Variants in ATP2A3 observed in about 807,000 individuals in gnomAD.
ATP2A3 encodes sarcoplasmic/endoplasmic reticulum calcium ATPase 3.
A neutral mutation model predicts 106.8 loss-of-function variants in ATP2A3; 61 were observed. That is an observed-to-expected ratio of 0.57 (90% CI 0.46 to 0.71). The LOEUF (loss-of-function observed/expected upper bound fraction) is 0.71. Among genes scored for constraint, ATP2A3 ranks in the 30% least tolerant of loss-of-function variants. ATP2A3 has a pLI of 0.00. For missense variants in ATP2A3, 1,201 were observed against 1,423.5 expected, an observed-to-expected ratio of 0.84 and a Z score of 2.52; for synonymous variants, 611 against 609.3, an observed-to-expected ratio of 1.00 and a Z score of -0.04.
Position 3,953,383 on chromosome 17 carries a change from CAGG to C in ATP2A3, c.180_182del (p.Leu61del), listed in dbSNP as rs1279628658. ...GGGCAGCCAGCAGCAGGATGCGCACCAGGAGGTCCTCAAACTGTTCCAGCACCA... is the reference window on the plus strand; with the variant it reads ...GGGCAGCCAGCAGCAGGATGCGCACCAGGTCCTCAAACTGTTCCAGCACCA... On this transcript the variant is annotated inframe_deletion, in exon 3 of 21. Transcript: ENST00000397041. This position sits in a 1 kb window ranked among gnomAD's most constrained non-coding sequence, Gnocchi z 5.1. The C allele has an allele frequency of 1.2e-6, 2 of 1,613,920 alleles. No homozygotes were observed. Among genetic ancestry groups the C allele is most frequent in the African/African-American group, 2.7e-5 (2 of 74,918 alleles).
At chr17:3,940,046 T>TTG (rs2053670938) in intron 14 of ATP2A3, among the ~76,000 whole-genome samples, 1 of 104,084 alleles carries the variant, frequency 9.6e-6, no homozygotes, top group African/African-American at 4.8e-5. Context: ...TTTTTTTGTT[T>TTG]TTTGTTTTTT....
In ATP2A3 at chr17:3,947,503, C is replaced by T. The variant is rs138857372; in HGVS notation, c.983G>A (p.Arg328His). 52 of 1,613,380 alleles carry T rather than the reference C, an allele frequency of 3.2e-5. No homozygotes were observed. The highest frequency in any genetic ancestry group is 9.3e-5 in the African/African-American group (7 of 74,954). Reference sequence around the variant, plus strand: ...CAGGCTTCGCACGATGGCGTTCTTGCGTGCCATGCGCCGCGTGCCCAGTGC... The same window carrying T: ...CAGGCTTCGCACGATGGCGTTCTTGTGTGCCATGCGCCGCGTGCCCAGTGC... Reference protein sequence around the residue: ...CLALGTRRMARKNAIVRSLPS... With the variant: ...CLALGTRRMAHKNAIVRSLPS... The change falls in exon 8 of 21, where the codon CGC (arginine) becomes CAC (histidine). Residue 328 changes from arginine (R) to histidine (H), a missense_variant. Physicochemically the swap from Arg to His is conservative, Grantham distance 29 (BLOSUM62 0). This residue lies in a region of ATP2A3 where 935 missense variants were observed against 1,176.7 expected (regional missense o/e 0.79). Transcript: ENST00000397041. This position sits in a 1 kb window ranked among gnomAD's most constrained non-coding sequence, Gnocchi z 7.7.
intron 11 of ATP2A3, 28 bp downstream of exon 11, chr17:3,943,363 G>C: frequency 6.2e-7 from 1 of 1,612,212 alleles, no homozygotes; most frequent in South Asian, 1.1e-5. Context: ...CCATGCAGCC[G>C]GAGGCCTGAG....
At chr17:3,943,712 C>T (rs1037715031) in intron 10 of ATP2A3, among the ~76,000 whole-genome samples, 190 bp from the exon 11 acceptor site, 26 of 152,142 alleles carry the variant, frequency 1.7e-4, no homozygotes, top group Non-Finnish European at 2.2e-4. Context: ...GACATTCAGC[C>T]CCCCACACTG....
At position 3,929,433 on chromosome 17, in the gene ATP2A3, G is replaced by C. The variant is rs767913953; in HGVS notation, c.2757C>G (p.Asn919Lys). Residue 919 changes from asparagine to lysine, a missense_variant, in exon 19 of 21, where the codon AAC becomes AAG. Physicochemically the swap from Asn to Lys is moderately conservative, Grantham distance 94. Transcript: ENST00000397041. This position sits in a 1 kb window ranked among gnomAD's most constrained non-coding sequence, Gnocchi z 4.3. ...AGGGCGGCATCCGCAGCAGCGACTG[G>C]TTCTCCGAGACGCTGCCAGGGCACA... ...MCNALNSVSE[N>K]QSLLRMPPWM... 1.9e-6 allele frequency: 3 copies of C among 1,593,558 alleles called. No homozygotes were observed. The highest frequency in any genetic ancestry group is 2.6e-6 in the Non-Finnish European group (3 of 1,171,114).
chr17:3,937,332 C>T (rs542925131), intron 15 of ATP2A3, 84 bp downstream of exon 15: 131 of 1,456,276 alleles, frequency 9.0e-5, no homozygotes, highest in Admixed American at 1.6e-4. Context: ...ATCCCTGCAG[C>T]GCATCCGAGG....
chr17:3,932,975 C>CAA lies in ATP2A3; in HGVS notation c.2610+2215_2610+2216dup, dbSNP rs565598546. On this transcript the variant is annotated intron_variant, in intron 17 of 20. Transcript: ENST00000397041. The stretch of plus-strand genomic sequence containing the variant: ...TGCGTCTACACAGAGAAGAAAATAC[C>CAA]AACAAGATCATGTCAGGATGTTTCG... Among the ~76,000 whole-genome samples, 251 of 151,820 alleles carry CAA rather than the reference C, an allele frequency of 1.7e-3. 2 individuals are homozygous for CAA. Among genetic ancestry groups the CAA allele is most frequent in the Admixed American group, 2.7e-3 (42 of 15,282 alleles).
chr17:3,947,972 C>A lies in ATP2A3; in HGVS notation c.631-117G>T. Reference sequence around the variant, plus strand: ...CCTTCTACCCGGCTTTCCTTTTCTCCATGTTGCTAGTGCTTCCAGACTCCT... The same window carrying A: ...CCTTCTACCCGGCTTTCCTTTTCTCAATGTTGCTAGTGCTTCCAGACTCCT... On this transcript the variant is annotated intron_variant, in intron 7 of 20. Coordinates refer to ENST00000397041, the MANE Select transcript of ATP2A3 (RefSeq NM_005173.4). The surrounding 1 kb of genome is among the most constrained non-coding windows in gnomAD (Gnocchi z 7.7). 1 of 1,052,294 alleles carries A rather than the reference C, an allele frequency of 9.5e-7. No individual in the cohort carries two copies. The highest frequency in any genetic ancestry group is 1.4e-6 in the Non-Finnish European group (1 of 717,604). 65.2% of individuals were successfully genotyped at this position (1,052,294 alleles called of 1,614,324 possible).
chr17:3,936,641 G>A lies in ATP2A3; in HGVS notation c.2322-172C>T, dbSNP rs951816528. 31 of 723,228 alleles carry A rather than the reference G, an allele frequency of 4.3e-5. 1 individual carries two copies. Among genetic ancestry groups the A allele is most frequent in the South Asian group, 3.7e-4 (23 of 61,860 alleles). The allele number at this position is 723,228 out of a possible 1,614,324, so 44.8% of individuals were successfully genotyped here. On this transcript the variant is annotated intron_variant, in intron 15 of 20. Coordinates refer to ENST00000397041, the MANE Select transcript of ATP2A3 (RefSeq NM_005173.4). This position sits in a 1 kb window ranked among gnomAD's most constrained non-coding sequence, Gnocchi z 5.4. Reference sequence around the variant, plus strand: ...GGGTGTGTGTACACAGCTCTGCCTCGGGCCTGGCCAGTCCTGCCTTCCCCA... The same window carrying A: ...GGGTGTGTGTACACAGCTCTGCCTCAGGCCTGGCCAGTCCTGCCTTCCCCA...
intron 1 of ATP2A3, among the ~76,000 whole-genome samples, chr17:3,960,029 G>A (rs2055051854): frequency 6.6e-6 from 1 of 152,208 alleles, no homozygotes; most frequent in South Asian, 2.1e-4. Flanking sequence ...GAAAACTAGG[G>A]TGAAGCATGA....
Position 3,947,394 on chromosome 17 carries a change from G to A in ATP2A3, c.1092C>T (p.Cys364=), listed in dbSNP as rs150999217. The A allele has an allele frequency of 1.4e-5, 22 of 1,613,738 alleles. No individual in the cohort carries two copies. Among genetic ancestry groups the A allele is most frequent in the Non-Finnish European group, 1.7e-5 (20 of 1,180,058 alleles). The change falls in exon 8 of 21, where the codon TGC becomes TGT. Residue 364 remains cysteine (C), a synonymous_variant. Coordinates refer to ENST00000397041, the MANE Select transcript of ATP2A3 (RefSeq NM_005173.4). This position sits in a 1 kb window ranked among gnomAD's most constrained non-coding sequence, Gnocchi z 7.7. ...GTLTTNQMSV[C]RMFVVAEADA... ...CACCAAGCTGGCCGTCACTCACCCGGCAGACAGACATCTGATTGGTGGTGA... is the reference window on the plus strand; with the variant it reads ...CACCAAGCTGGCCGTCACTCACCCGACAGACAGACATCTGATTGGTGGTGA...
chr17:3,932,115 A>G (rs1465225833), intron 17 of ATP2A3, among the ~76,000 whole-genome samples: 1 of 150,666 alleles, frequency 6.6e-6, no homozygotes, highest in Non-Finnish European at 1.5e-5. Flanking sequence ...AGGCAAGTGG[A>G]TATGTCTTGT....
Position 3,942,858 on chromosome 17 carries a change from C to G in ATP2A3, c.1420-127G>C, listed in dbSNP as rs183991780. ...GGGATGACATCTACACTCCTCTGAC[C>G]CCACCATTCAAGGCCTCCATTTCCC... On this transcript the variant is annotated intron_variant, in intron 11 of 20. Coordinates refer to ENST00000397041, the MANE Select transcript of ATP2A3 (RefSeq NM_005173.4). 1.3e-5 allele frequency: 18 copies of G among 1,417,600 alleles called. No homozygotes were observed. The African/African-American group carries it at 2.5e-4, about 20-fold the overall frequency. The allele number at this position is 1,417,600 out of a possible 1,614,324, so 87.8% of individuals were successfully genotyped here. A position where few individuals can be genotyped will look rare whatever the true frequency, so the allele number is the denominator to read the frequency against.
At chr17:3,935,959 C>A (rs779965894) in intron 16 of ATP2A3, among the ~76,000 whole-genome samples, 5 of 152,156 alleles carry the variant, frequency 3.3e-5, no homozygotes, top group Non-Finnish European at 7.3e-5. Context: ...ACCGGGAGAG[C>A]AGCATGATAA....
rs530155562 is a variant in ATP2A3 at position 3,957,273 on chromosome 17, G to A, written c.119-3563C>T. ...AGAGAGGTTGAGTGACTAGTTCACC[G>A]TCACACAGCGGGGGAGACAGGGAAG... On this transcript the variant is annotated intron_variant, in intron 1 of 20. Coordinates refer to ENST00000397041, the MANE Select transcript of ATP2A3 (RefSeq NM_005173.4). Among the ~76,000 whole-genome samples the A allele has an allele frequency of 1.0e-3, 159 of 152,318 alleles. 1 individual carries two copies. Among genetic ancestry groups the A allele is most frequent in the African/African-American group, 3.8e-3 (157 of 41,576 alleles).
Position 3,947,273 on chromosome 17 carries a change from G to C in ATP2A3, c.1095+118C>G, listed in dbSNP as rs1346775870. On this transcript the variant is annotated intron_variant, in intron 8 of 20. Coordinates refer to ENST00000397041, the MANE Select transcript of ATP2A3 (RefSeq NM_005173.4). This position sits in a 1 kb window ranked among gnomAD's most constrained non-coding sequence, Gnocchi z 7.7. ...AAACCTGGACCTGCTCTGGGCCAAG[G>C]GACAGCCCACAGATTCTCTCCTCCA... The C allele has an allele frequency of 7.8e-7, 1 of 1,276,104 alleles. No homozygotes were observed. Among genetic ancestry groups the C allele is most frequent in the African/African-American group, 1.5e-5 (1 of 68,080 alleles). The allele number at this position is 1,276,104 out of a possible 1,614,324, so 79.0% of individuals were successfully genotyped here. A position where few individuals can be genotyped will look rare whatever the true frequency, so the allele number is the denominator to read the frequency against.
chr17:3,927,569 T>A (rs906304661), intron 20 of ATP2A3: 1 of 985,316 alleles, frequency 1.0e-6, no homozygotes, highest in African/African-American at 1.7e-5. Context: ...TGGGCCCCCA[T>A]GGATGGGAGT....
chr17:3,928,149 T>G lies in ATP2A3; in HGVS notation c.2980+514A>C. 1.2e-6 allele frequency: 2 copies of G among 1,600,772 alleles called. No individual in the cohort carries two copies. The highest frequency in any genetic ancestry group is 1.7e-6 in the Non-Finnish European group (2 of 1,168,204). ...GCCCGACACCTGCCATCCTGTCCTC[T>G]CCACTCCGGGGTTAAGGCAGACCCA... On this transcript the variant is annotated intron_variant, in intron 20 of 20. Transcript: ENST00000397041. This position sits in a 1 kb window ranked among gnomAD's most constrained non-coding sequence, Gnocchi z 6.1.
chr17:3,957,084 G>T (rs1021542837), intron 1 of ATP2A3, among the ~76,000 whole-genome samples: 2 of 152,266 alleles, frequency 1.3e-5, no homozygotes, highest in South Asian at 2.1e-4. Context: ...ATGGGAAGAC[G>T]CTGGGGACCG....
Sources: gnomAD v4.1 joint callset for allele counts (sites outside exome capture counted in the v4.1 genomes callset) on GRCh38, gnomAD v4.1.1 for gene constraint, gnomAD v4.1.1 regional missense constraint, Gnocchi (gnomAD v3.1) non-coding constraint, MANE v1.5 for transcripts, NCBI Gene and HGNC (gene_info 2026-07-23, HGNC 2026-07-21) for gene names.